Variants in CDH18 observed in about 807,000 individuals in gnomAD.
CDH18 encodes the protein cadherin-18.
CDH18 carries 31 observed loss-of-function variants against 67.9 expected under a neutral mutation model. That is an observed-to-expected ratio of 0.46 (90% CI 0.34 to 0.62). The LOEUF is 0.62. CDH18 is among the 20% of genes least tolerant of loss of function. The pLI, the probability that CDH18 is intolerant of heterozygous loss-of-function variation, is 0.01. For missense variants in CDH18, 890 were observed against 975.5 expected (o/e 0.91, Z 1.17); for synonymous variants, 362 against 347.2 (o/e 1.04, Z -0.48).
intron 1 of CDH18, among the ~76,000 whole-genome samples, chr5:20,420,618 C>T (rs1747788611): frequency 6.6e-6 from 1 of 151,088 alleles, no homozygotes; most frequent in South Asian, 2.1e-4. Context: ...AATAAAGTTT[C>T]AAAAGACATA....
At chr5:19,542,761 G>A (rs1455377724) in intron 9 of CDH18, among the ~76,000 whole-genome samples, 1 of 152,030 alleles carries the variant, frequency 6.6e-6, no homozygotes, top group African/African-American at 2.4e-5. Flanking sequence ...TAAGGTGAAA[G>A]AGTGTGGGGG....
intron 1 of CDH18, among the ~76,000 whole-genome samples, chr5:20,293,759 A>G (rs1469599341): frequency 6.6e-6 from 1 of 152,200 alleles, no homozygotes; most frequent in Non-Finnish European, 1.5e-5. Context: ...GTTAATTTAG[A>G]TAATTCACTT....
At chr5:19,702,068 T>A (rs958195375) in intron 5 of CDH18, among the ~76,000 whole-genome samples, 1 of 150,916 alleles carries the variant, frequency 6.6e-6, no homozygotes, top group African/African-American at 2.4e-5. Context: ...TAAGGAAAAA[T>A]CCACCACGGT....
chr5:19,755,438 TATATATATATATATATATATACACAC>T (rs1261944841), intron 3 of CDH18, among the ~76,000 whole-genome samples: 1 of 10,442 alleles, frequency 9.6e-5, no homozygotes, highest in Non-Finnish European at 1.5e-3. Flanking sequence ...TATGTATATA[TATATATATATATATATATATACACAC>T]ACACACACAC....
intron 1 of CDH18, among the ~76,000 whole-genome samples, chr5:20,488,700 T>TATATATAC (rs369185147): frequency 0.035 from 4,776 of 136,796 alleles, 176 homozygotes; most frequent in African/African-American, 0.096. Context: ...TATATATATA[T>TATATATAC]ACACACACAT....
intron 2 of CDH18, among the ~76,000 whole-genome samples, chr5:19,855,771 C>T (rs1784221469): frequency 6.6e-6 from 1 of 151,978 alleles, no homozygotes; most frequent in Non-Finnish European, 1.5e-5. Flanking sequence ...TGATTTAATG[C>T]CACTAAAACA....
At chr5:19,516,848 T>C (rs1282672495) in intron 10 of CDH18, among the ~76,000 whole-genome samples, 2 of 151,808 alleles carry the variant, frequency 1.3e-5, no homozygotes, top group African/African-American at 4.8e-5. Flanking sequence ...TCTCTATCTA[T>C]GAATTCACCA....
At position 19,683,896 on chromosome 5, in the gene CDH18, C is replaced by T. The variant is rs373456003; in HGVS notation, c.643+37451G>A. ...CAAACCACTATGCAGATTTCTTAGG[C>T]AGTGCCTGCATCGCCAGGAAACTTG... On this transcript the variant is annotated intron_variant, in intron 5 of 12. Coordinates refer to ENST00000382275, the MANE Select transcript of CDH18 (RefSeq NM_004934.5). Among the ~76,000 whole-genome samples the T allele has an allele frequency of 1.2e-4, 18 of 152,230 alleles. 1 individual carries two copies. Among genetic ancestry groups the T allele is most frequent in the African/African-American group, 4.1e-4 (17 of 41,568 alleles).
intron 3 of CDH18, among the ~76,000 whole-genome samples, chr5:19,806,405 T>G (rs1299636583): frequency 6.6e-6 from 1 of 152,176 alleles, no homozygotes; most frequent in East Asian, 1.9e-4. Flanking sequence ...CAAATGGCAT[T>G]TTGTTAGTTA....
chr5:19,943,199 T>TG (rs1334709403), intron 2 of CDH18, among the ~76,000 whole-genome samples: 3 of 152,092 alleles, frequency 2.0e-5, no homozygotes, highest in Admixed American at 6.6e-5. Context: ...TGTTGTTGTT[T>TG]GGGGGGGTAA....
At chr5:20,075,766 C>T (rs1351665915) in intron 2 of CDH18, among the ~76,000 whole-genome samples, 2 of 151,996 alleles carry the variant, frequency 1.3e-5, no homozygotes, top group African/African-American at 2.4e-5. Flanking sequence ...TGCAAAATTC[C>T]CCTGTGTTGA....
At chr5:19,473,848 C>A in intron 12 of CDH18, 132 bp from the exon 13 acceptor site, 1 of 738,024 alleles carries the variant, frequency 1.4e-6, no homozygotes, top group Non-Finnish European at 2.3e-6. Flanking sequence ...CATTGCAGCA[C>A]AACTCACTCT....
chr5:19,532,651 C>A (rs1748815150), intron 9 of CDH18, among the ~76,000 whole-genome samples: 1 of 151,990 alleles, frequency 6.6e-6, no homozygotes, highest in Non-Finnish European at 1.5e-5. Context: ...AAGATTAAGA[C>A]CCAAAGCCCA....
At chr5:20,019,314 A>G (rs1738185496) in intron 2 of CDH18, among the ~76,000 whole-genome samples, 1 of 152,236 alleles carries the variant, frequency 6.6e-6, no homozygotes, top group African/African-American at 2.4e-5. Flanking sequence ...TACTAAATTA[A>G]TGAGATCTGC....
chr5:20,327,228 GCTTT>G (rs1198895970), intron 1 of CDH18, among the ~76,000 whole-genome samples: 7 of 152,098 alleles, frequency 4.6e-5, no homozygotes, highest in African/African-American at 1.7e-4. Context: ...TACAAAAACT[GCTTT>G]CTTTTAGTTC....
intron 1 of CDH18, among the ~76,000 whole-genome samples, chr5:20,422,257 A>G (rs1400447612): frequency 4.0e-5 from 6 of 151,190 alleles, no homozygotes; most frequent in South Asian, 4.1e-4. Context: ...ATGGGTTATC[A>G]TGTCTAAATA....
intron 1 of CDH18, among the ~76,000 whole-genome samples, chr5:20,542,160 A>G (rs540873601): frequency 3.8e-4 from 58 of 152,096 alleles, no homozygotes; most frequent in Non-Finnish European, 5.9e-4. Context: ...TCACCATCAG[A>G]GTTCAGTTTT....
chr5:20,333,701 G>A (rs972008318), intron 1 of CDH18, among the ~76,000 whole-genome samples: 2 of 151,900 alleles, frequency 1.3e-5, no homozygotes, highest in African/African-American at 2.4e-5. Flanking sequence ...AATTTAACCG[G>A]CATCGATTGT....
intron 6 of CDH18, among the ~76,000 whole-genome samples, chr5:19,607,235 G>A (rs1748195759): frequency 6.6e-6 from 1 of 151,200 alleles, no homozygotes; most frequent in African/African-American, 2.4e-5. Flanking sequence ...GAAATTCAAG[G>A]AGAAATAAAT....
Sources: gnomAD v4.1 joint callset for allele counts (sites outside exome capture counted in the v4.1 genomes callset) on GRCh38, gnomAD v4.1.1 for gene constraint, MANE v1.5 for transcripts, NCBI Gene and HGNC (gene_info 2026-07-23, HGNC 2026-07-21) for gene names.